Variants in DNAJC7 observed in about 807,000 individuals in gnomAD.
DNAJC7 encodes the protein dnaJ homolog subfamily C member 7.
In DNAJC7, 18 loss-of-function variants were observed where a neutral mutation model predicts 67.4. That is an observed-to-expected ratio of 0.27 (90% CI 0.18 to 0.40). The LOEUF (loss-of-function observed/expected upper bound fraction) is 0.40. Ranked by LOEUF, DNAJC7 falls within the 10% of genes least tolerant of loss-of-function variation. DNAJC7 has a pLI of 1.00. For missense variants in DNAJC7, 419 were observed against 613.8 expected, an observed-to-expected ratio of 0.68 and a Z score of 3.35; for synonymous variants, 220 against 207.8, an observed-to-expected ratio of 1.06 and a Z score of -0.50.
At chr17:41,998,994 G>A (rs911863048) in intron 2 of DNAJC7, among the ~76,000 whole-genome samples, 3 of 151,768 alleles carry the variant, frequency 2.0e-5, no homozygotes, top group Non-Finnish European at 2.9e-5. Flanking sequence ...GAGACCAGCC[G>A]GGGCAACATG....
intron 1 of DNAJC7, chr17:42,016,961 G>T: frequency 8.3e-7 from 1 of 1,206,344 alleles, no homozygotes; most frequent in South Asian, 1.6e-5. Flanking sequence ...AGGCAACAAT[G>T]CACAGAAGTT....
Position 41,983,554 on chromosome 17 carries a change from T to TA in DNAJC7, c.1084+8dup. Reference sequence around the variant, plus strand: ...CAGTTCCCTAAAAAACAAATGCTTTTAAACTTACCTTTTGTTTTCTCTGTC... The same window carrying TA: ...CAGTTCCCTAAAAAACAAATGCTTTTAAAACTTACCTTTTGTTTTCTCTGTC... On this transcript the variant is annotated intron_variant, in intron 10 of 13. Coordinates refer to ENST00000457167, the MANE Select transcript of DNAJC7 (RefSeq NM_003315.4). The TA allele has an allele frequency of 6.3e-7, 1 of 1,576,206 alleles. No homozygotes were observed. The highest frequency in any genetic ancestry group is 8.6e-7 in the Non-Finnish European group (1 of 1,159,062).
At chr17:42,001,114 A>G (rs549112886) in intron 1 of DNAJC7, 2 of 152,814 alleles carry the variant, frequency 1.3e-5, no homozygotes, top group African/African-American at 4.8e-5. Context: ...AGTTAAAAGC[A>G]TAGCATGTTG....
chr17:41,983,830 G>A (rs1383524291), intron 9 of DNAJC7, among the ~76,000 whole-genome samples, 194 bp from the exon 10 acceptor site: 2 of 152,178 alleles, frequency 1.3e-5, no homozygotes, highest in African/African-American at 2.4e-5. Context: ...AAGAGAGGTC[G>A]CATGGCACTT....
intron 3 of DNAJC7, 59 bp downstream of exon 3, chr17:41,997,056 C>T (rs1407683182): frequency 1.9e-6 from 3 of 1,609,774 alleles, no homozygotes; most frequent in Non-Finnish European, 2.5e-6. Flanking sequence ...AAATACGGGG[C>T]TAGAGAAACT....
At position 41,983,654 on chromosome 17, in the gene DNAJC7, G is replaced by A. The variant is rs781789611; in HGVS notation, c.1011-18C>T. On this transcript the variant is annotated intron_variant, in intron 9 of 13. Transcript: ENST00000457167. The stretch of plus-strand genomic sequence containing the variant: ...CCATGTAACTGAGAAGGAAATACAA[G>A]GCAATACAGCACTAAGACATAAATA... The A allele has an allele frequency of 1.3e-6, 2 of 1,592,490 alleles. No homozygotes were observed. The highest frequency in any genetic ancestry group is 1.3e-5 in the African/African-American group (1 of 74,732).
At chr17:41,994,543 AAAG>A (rs1191281833) in intron 5 of DNAJC7, among the ~76,000 whole-genome samples, 42 of 151,328 alleles carry the variant, frequency 2.8e-4, no homozygotes, top group African/African-American at 5.3e-4. Flanking sequence ...AAAAAAAAAA[AAAG>A]ATTATCCAAA....
intron 1 of DNAJC7, chr17:42,016,312 C>T (rs1555651893): frequency 6.6e-6 from 1 of 152,156 alleles, no homozygotes; most frequent in African/African-American, 2.4e-5. Flanking sequence ...TTCTACATCA[C>T]CGCCTCAAAT....
intron 10 of DNAJC7, among the ~76,000 whole-genome samples, chr17:41,982,647 C>CTA (rs560003374): frequency 1.1e-4 from 16 of 152,176 alleles, no homozygotes; most frequent in Non-Finnish European, 2.2e-4. Flanking sequence ...AAAGGGAACT[C>CTA]TAAACACAGG....
At chr17:41,988,979 A>C (rs782132007) in intron 7 of DNAJC7, 83 bp from the exon 8 acceptor site, 7 of 1,522,870 alleles carry the variant, frequency 4.6e-6, no homozygotes, top group Non-Finnish European at 6.2e-6. Context: ...TCTATTTTCA[A>C]GTTCTTTGCT....
In DNAJC7 at chr17:42,000,514, T is replaced by C. The variant is rs782643428; in HGVS notation, c.134A>G (p.Asn45Ser). 10 of 1,611,920 alleles carry C rather than the reference T, an allele frequency of 6.2e-6. No individual in the cohort carries two copies. Among genetic ancestry groups the C allele is most frequent in the East Asian group, 4.5e-5 (2 of 44,832 alleles). ...TTTTGTATAATAATTATAAGCTTCA[T>C]TGTAATCTTTCTTGGCATAGTATGC... The part of the protein sequence containing the change: ...GNAYYAKKDY[N>S]EAYNYYTKAI... Residue 45 changes from asparagine (N) to serine (S), a missense_variant, in exon 2 of 14, where the codon AAT becomes AGT. Physicochemically the swap from Asn to Ser is conservative, Grantham distance 46. This residue lies in a region of DNAJC7 where 179 missense variants were observed against 249.7 expected (regional missense o/e 0.72). Coordinates refer to ENST00000457167, the MANE Select transcript of DNAJC7 (RefSeq NM_003315.4).
In DNAJC7 at chr17:42,001,593, T is replaced by C. The variant is rs141917220; in HGVS notation, c.78-1023A>G. On this transcript the variant is annotated intron_variant, in intron 1 of 13. Coordinates refer to ENST00000457167, the MANE Select transcript of DNAJC7 (RefSeq NM_003315.4). ...ATTACTGCAACATTAACTAAGTACC[T>C]GATCATTTTTGTTATGAGAAACATC... Among the ~76,000 whole-genome samples the C allele has an allele frequency of 5.1e-4, 78 of 152,310 alleles. 2 individuals carry two copies. In the East Asian group the frequency reaches 0.015, roughly 29 times the overall value.
In DNAJC7 at chr17:42,010,476, G is replaced by A. The variant is rs566377349; in HGVS notation, c.77+6864C>T. ...CATTGCACTCCAGCCTGGGCAACAA[G>A]AATGAAACTCTGTCTCAAAAATATA... On this transcript the variant is annotated intron_variant, in intron 1 of 13. Transcript: ENST00000457167. Among the ~76,000 whole-genome samples the A allele has an allele frequency of 3.9e-5, 6 of 152,226 alleles. No individual in the cohort carries two copies. The South Asian group carries it at 1.2e-3, about 32-fold the overall frequency.
At chr17:42,014,532 A>T (rs1272861039) in intron 1 of DNAJC7, 1 of 151,962 alleles carries the variant, frequency 6.6e-6, no homozygotes, top group Non-Finnish European at 1.5e-5. Context: ...TCTGTCGAAA[A>T]CAGTGCTATA....
chr17:41,994,082 A>G (rs1366972246), intron 5 of DNAJC7, among the ~76,000 whole-genome samples: 2 of 150,382 alleles, frequency 1.3e-5, no homozygotes, highest in Non-Finnish European at 3.0e-5. Flanking sequence ...TCACGCCTGT[A>G]ATCCCAGCAC....
intron 1 of DNAJC7, chr17:42,001,187 T>G (rs1839387131): frequency 6.6e-6 from 1 of 152,184 alleles, no homozygotes; most frequent in South Asian, 2.1e-4. Context: ...GACAGGGACA[T>G]ATGAGGTACA....
chr17:41,997,969 C>G (rs2051705871), intron 2 of DNAJC7, among the ~76,000 whole-genome samples: 1 of 152,178 alleles, frequency 6.6e-6, no homozygotes, highest in African/African-American at 2.4e-5. Flanking sequence ...CTCAAACCAT[C>G]TTCCTACCTC....
intron 1 of DNAJC7, among the ~76,000 whole-genome samples, chr17:42,010,218 T>G (rs1555650892): frequency 6.6e-6 from 1 of 151,082 alleles, no homozygotes; most frequent in African/African-American, 2.4e-5. Context: ...GTGCAGTGGC[T>G]CACGCCTATA....
intron 5 of DNAJC7, among the ~76,000 whole-genome samples, chr17:41,993,254 T>C (rs978114932): frequency 2.0e-5 from 3 of 151,448 alleles, no homozygotes; most frequent in Non-Finnish European, 3.0e-5. Context: ...GGTCAGGAGA[T>C]CAAGACCATC....
Sources: gnomAD v4.1 joint callset for allele counts (sites outside exome capture counted in the v4.1 genomes callset) on GRCh38, gnomAD v4.1.1 for gene constraint, gnomAD v4.1.1 regional missense constraint, MANE v1.5 for transcripts, NCBI Gene and HGNC (gene_info 2026-07-23, HGNC 2026-07-21) for gene names.